Variants in RRM2 observed in about 807,000 individuals in gnomAD.
The protein encoded by RRM2 is ribonucleotide reductase regulatory subunit M2.
A neutral mutation model predicts 45.9 loss-of-function variants in RRM2; 6 were observed. The observed-to-expected ratio is 0.13, with a 90% confidence interval of 0.07 to 0.26. The LOEUF is 0.26. Among genes scored for constraint, RRM2 ranks in the 10% least tolerant of loss-of-function variants. RRM2 has a pLI of 1.00. For synonymous variants in RRM2, 177 were observed against 173.0 expected, an observed-to-expected ratio of 1.02 and a Z score of -0.18; for missense variants, 343 against 489.5, an observed-to-expected ratio of 0.70 and a Z score of 2.82.
At chr2:10,209,053 CTTTCTTTT>C (rs1415873088) in intron 3 of RRM2, among the ~76,000 whole-genome samples, 1 of 145,296 alleles carries the variant, frequency 6.9e-6, no homozygotes, top group Non-Finnish European at 1.5e-5. Context: ...TTCTTTCTTT[CTTTCTTTT>C]TTTTTTTTTT....
chr2:10,150,698 A>C (rs1012909358), intron 3 of RRM2, among the ~76,000 whole-genome samples: 2 of 149,674 alleles, frequency 1.3e-5, no homozygotes, highest in African/African-American at 4.9e-5. Context: ...TTTTCAGACA[A>C]ACTGACTGCT....
At chr2:10,193,912 C>G (rs754973751) in intron 3 of RRM2, among the ~76,000 whole-genome samples, 14 of 152,168 alleles carry the variant, frequency 9.2e-5, no homozygotes, top group Non-Finnish European at 1.6e-4. Flanking sequence ...CAGGGAGGTC[C>G]CTAGACATTT....
intron 3 of RRM2, chr2:10,199,134 A>G (rs1242529982): frequency 1.3e-5 from 2 of 152,200 alleles, no homozygotes; most frequent in Admixed American, 6.5e-5. Flanking sequence ...GACACTGAAC[A>G]TGGTGCTGGA....
At chr2:10,199,676 AG>A (rs2125332284) in intron 3 of RRM2, among the ~76,000 whole-genome samples, 1 of 150,502 alleles carries the variant, frequency 6.6e-6, no homozygotes, top group African/African-American at 2.4e-5. Flanking sequence ...GCTACTCGGG[AG>A]GCTGAGGCGG....
Position 10,124,863 on chromosome 2 carries a change from G to T in RRM2, c.569+13G>T, listed in dbSNP as rs373190446. 1.3e-6 allele frequency: 2 copies of T among 1,588,446 alleles called. No homozygotes were observed. The highest frequency in any genetic ancestry group is 1.7e-6 in the Non-Finnish European group (2 of 1,163,452). On this transcript the variant is annotated intron_variant, in intron 5 of 9. Transcript: ENST00000304567. ...ATCCCAAAGAAAGGTGAGTATTCAA[G>T]TGGTATGCCAAGATTTTTAGGACTC...
exon 4 of RRM2, chr2:10,210,450 T>A (rs1256583182): frequency 7.3e-7 from 1 of 1,367,730 alleles, no homozygotes; most frequent in African/African-American, 1.5e-5. Flanking sequence ...AGCGACCCTG[T>A]TTCAGAATGA....
At chr2:10,160,687 G>T (rs1346139702) in intron 3 of RRM2, among the ~76,000 whole-genome samples, 2 of 152,198 alleles carry the variant, frequency 1.3e-5, no homozygotes. Context: ...TGCCAGACCA[G>T]TCTCAGGGCA....
chr2:10,196,589 C>T (rs944254652), intron 3 of RRM2, among the ~76,000 whole-genome samples: 4 of 152,154 alleles, frequency 2.6e-5, no homozygotes, highest in African/African-American at 7.2e-5. Context: ...TTGTCCCACC[C>T]AGCAAAACCC....
chr2:10,198,182 G>A (rs577750451), intron 3 of RRM2, among the ~76,000 whole-genome samples: 42 of 152,324 alleles, frequency 2.8e-4, no homozygotes, highest in African/African-American at 6.5e-4. Context: ...CACCCATGGG[G>A]TGCATCTTCA....
At chr2:10,194,963 G>T (rs1047155192) in intron 3 of RRM2, among the ~76,000 whole-genome samples, 3 of 152,332 alleles carry the variant, frequency 2.0e-5, no homozygotes, top group East Asian at 1.9e-4. Context: ...CAGCGGTGCG[G>T]GTAACCTGGC....
intron 3 of RRM2, among the ~76,000 whole-genome samples, chr2:10,202,754 G>A (rs1459041340): frequency 2.0e-5 from 3 of 152,142 alleles, no homozygotes; most frequent in Non-Finnish European, 2.9e-5. Context: ...GGTGGATTTA[G>A]GTGGTTTTTA....
chr2:10,138,661 G>A (rs1046921694), upstream of RRM2, among the ~76,000 whole-genome samples: 10 of 152,136 alleles, frequency 6.6e-5, no homozygotes, highest in South Asian at 2.1e-4. Context: ...CTTATGAAAC[G>A]GTTGGGGACA....
intron 3 of RRM2, among the ~76,000 whole-genome samples, chr2:10,154,435 G>A (rs575641972): frequency 1.2e-3 from 177 of 148,174 alleles, no homozygotes; most frequent in African/African-American, 4.3e-3. Flanking sequence ...GGCGCACAGA[G>A]GTTGCAGTGA....
At chr2:10,151,523 C>A (rs1663312210) in intron 3 of RRM2, among the ~76,000 whole-genome samples, 1 of 152,130 alleles carries the variant, frequency 6.6e-6, no homozygotes, top group Admixed American at 6.5e-5. Flanking sequence ...TGGTCTTGAA[C>A]TCCTGACCTC....
In RRM2 at chr2:10,169,147, A is replaced by ATT. The variant is rs35438376; in HGVS notation, n.482+26786_482+26787dup. Among the ~76,000 whole-genome samples, 17,125 of 137,458 alleles carry ATT rather than the reference A, an allele frequency of 0.12. 1,222 individuals are homozygous for ATT. The highest frequency in any genetic ancestry group is 0.15 in the African/African-American group (5,512 of 37,130). The allele number at this position is 137,458 out of a possible 152,430, so 90.2% of individuals were successfully genotyped here. ...GTCACCATGCCCAGCTACTTTTTGT[A>ATT]TTTTTTTTTTTTTTTGTAGAGATGG... is the stretch of plus-strand genomic sequence containing the variant. On this transcript the variant is annotated intron_variant and non_coding_transcript_variant, in intron 3 of 3. Transcript: ENST00000381786. This position sits in a 1 kb window ranked among gnomAD's most constrained non-coding sequence, Gnocchi z 5.1.
intron 3 of RRM2, among the ~76,000 whole-genome samples, chr2:10,158,610 C>G (rs548413542): frequency 6.6e-6 from 1 of 152,284 alleles, no homozygotes; most frequent in South Asian, 2.1e-4. Flanking sequence ...CCCTCACCTT[C>G]CTTACCCAAA....
intron 3 of RRM2, among the ~76,000 whole-genome samples, chr2:10,181,945 T>A (rs1269615205): frequency 6.6e-6 from 1 of 151,172 alleles, no homozygotes; most frequent in Non-Finnish European, 1.5e-5. Context: ...AAAAAAAAAA[T>A]TGTAGAGATA....
chr2:10,200,429 CCGCGCGCGCAAAATA>C (rs1664528096), intron 3 of RRM2, among the ~76,000 whole-genome samples: 1 of 137,590 alleles, frequency 7.3e-6, no homozygotes, highest in South Asian at 2.3e-4. Context: ...CCCACAGGGA[CCGCGCGCGCAAAATA>C]TGAGGCCCAC....
intron 3 of RRM2, among the ~76,000 whole-genome samples, chr2:10,146,800 G>C (rs1009132668): frequency 6.6e-6 from 1 of 152,244 alleles, no homozygotes. Context: ...TTTTGAGCAC[G>C]GGGAAAGTGT....
Sources: gnomAD v4.1 joint callset for allele counts (sites outside exome capture counted in the v4.1 genomes callset) on GRCh38, gnomAD v4.1.1 for gene constraint, Gnocchi (gnomAD v3.1) non-coding constraint, MANE v1.5 for transcripts, NCBI Gene and HGNC (gene_info 2026-07-23, HGNC 2026-07-21) for gene names.